Variants in TYW1B observed in about 807,000 individuals in gnomAD.
TYW1B encodes tRNA-yW synthesizing protein 1 homolog B, also known as S-adenosyl-L-methionine-dependent tRNA 4-demethylwyosine synthase TYW1B.
TYW1B carries 73 observed loss-of-function variants against 86.9 expected under a neutral mutation model. The ratio of observed to expected loss-of-function variants is 0.84; its 90% CI spans 0.70 to 1.02. TYW1B has a LOEUF of 1.02. Ranked by LOEUF, TYW1B falls within the 50% of genes least tolerant of loss-of-function variation. TYW1B has a pLI of 0.00. For missense variants in TYW1B, 637 were observed against 827.4 expected (o/e 0.77, Z 2.82); for synonymous variants, 248 against 292.8 (o/e 0.85, Z 1.56).
intron 13 of TYW1B, among the ~76,000 whole-genome samples, chr7:72,593,002 G>A (rs1333674273): frequency 6.6e-6 from 1 of 152,088 alleles, no homozygotes; most frequent in Non-Finnish European, 1.5e-5. Context: ...AGAAAGATAA[G>A]CAAGAAAATA....
intron 7 of TYW1B, among the ~76,000 whole-genome samples, chr7:72,747,365 A>G (rs1490190946): frequency 6.6e-6 from 1 of 152,198 alleles, no homozygotes; most frequent in African/African-American, 2.4e-5. Context: ...CTCCCCAGCC[A>G]TGTGAAACTG....
At chr7:72,795,650 GCA>G (rs1788293387) in intron 6 of TYW1B, among the ~76,000 whole-genome samples, 1 of 145,094 alleles carries the variant, frequency 6.9e-6, no homozygotes, top group African/African-American at 2.5e-5. Context: ...ATTTGTAAAG[GCA>G]CATTGTTCCC....
intron 11 of TYW1B, among the ~76,000 whole-genome samples, chr7:72,668,724 G>T (rs527769826): frequency 1.3e-4 from 20 of 152,258 alleles, no homozygotes; most frequent in African/African-American, 3.6e-4. Context: ...CAGAGTGGAG[G>T]GAAAGCTTAC....
At chr7:72,724,082 T>C (rs1786954974) in intron 9 of TYW1B, among the ~76,000 whole-genome samples, 1 of 152,066 alleles carries the variant, frequency 6.6e-6, no homozygotes, top group African/African-American at 2.4e-5. Context: ...ATGGCTTGTT[T>C]AACCTAACTT....
At chr7:72,715,194 GC>G (rs1252359810) in intron 9 of TYW1B, among the ~76,000 whole-genome samples, 1 of 151,818 alleles carries the variant, frequency 6.6e-6, no homozygotes, top group Non-Finnish European at 1.5e-5. Context: ...AGTTTCTGAA[GC>G]CCCCCAGGTG....
intron 7 of TYW1B, among the ~76,000 whole-genome samples, chr7:72,767,298 A>G (rs576187807): frequency 6.6e-6 from 1 of 152,174 alleles, no homozygotes; most frequent in Non-Finnish European, 1.5e-5. Flanking sequence ...ATCCTCCTCA[A>G]TTTTTCCTTT....
intron 13 of TYW1B, among the ~76,000 whole-genome samples, chr7:72,576,734 G>C (rs1380635575): frequency 6.6e-6 from 1 of 151,902 alleles, no homozygotes; most frequent in Non-Finnish European, 1.5e-5. Flanking sequence ...GGATGGTCTC[G>C]ATCTCCTAAC....
chr7:72,671,971 A>G (rs1290566643), intron 11 of TYW1B, among the ~76,000 whole-genome samples: 1 of 146,932 alleles, frequency 6.8e-6, no homozygotes, highest in Non-Finnish European at 1.5e-5. Flanking sequence ...GAACAAGGTG[A>G]TATGGTTTGG....
chr7:72,688,558 C>T (rs1414522915), intron 11 of TYW1B, among the ~76,000 whole-genome samples: 1 of 152,170 alleles, frequency 6.6e-6, no homozygotes, highest in African/African-American at 2.4e-5. Context: ...AAATTCTTCC[C>T]AGACTCACTC....
intron 13 of TYW1B, among the ~76,000 whole-genome samples, chr7:72,599,311 GA>G (rs1811604696): frequency 6.6e-6 from 1 of 152,130 alleles, no homozygotes; most frequent in South Asian, 2.1e-4. Flanking sequence ...AATAGTTGAA[GA>G]AAATCAATTT....
intron 3 of TYW1B, among the ~76,000 whole-genome samples, chr7:72,811,011 C>G (rs1416175664): frequency 2.0e-5 from 3 of 151,996 alleles, no homozygotes; most frequent in Non-Finnish European, 4.4e-5. Flanking sequence ...GTGGCTCAAG[C>G]CTGTAATCCC....
At chr7:72,608,546 A>G (rs1292188943) in intron 13 of TYW1B, among the ~76,000 whole-genome samples, 6 of 152,234 alleles carry the variant, frequency 3.9e-5, no homozygotes, top group African/African-American at 1.2e-4. Flanking sequence ...AGATGCACTC[A>G]ACAACAGTGC....
chr7:72,770,832 A>T lies in TYW1B; in HGVS notation c.964+6584T>A, dbSNP rs148471064. Among the ~76,000 whole-genome samples, 482 of 152,332 alleles carry T rather than the reference A, an allele frequency of 3.2e-3. 1 individual carries two copies. Among genetic ancestry groups the T allele is most frequent in the Non-Finnish European group, 4.3e-3 (291 of 68,032 alleles). On this transcript the variant is annotated intron_variant, in intron 7 of 13. Coordinates refer to ENST00000620995, the MANE Select transcript of TYW1B (RefSeq NM_001145440.3). Reference sequence around the variant, plus strand: ...CAATGGCATACTACTGAGCAATAAAAGTGAATGAACTACTGATGCATGTTA... The same window carrying T: ...CAATGGCATACTACTGAGCAATAAATGTGAATGAACTACTGATGCATGTTA...
intron 11 of TYW1B, among the ~76,000 whole-genome samples, chr7:72,678,588 G>A (rs1378690189): frequency 1.0e-4 from 15 of 150,228 alleles, no homozygotes; most frequent in Non-Finnish European, 1.0e-4. Flanking sequence ...ACAATGGCCA[G>A]GCATGGTGGC....
intron 11 of TYW1B, among the ~76,000 whole-genome samples, chr7:72,648,009 A>C (rs1226630800): frequency 6.6e-6 from 1 of 152,106 alleles, no homozygotes; most frequent in Non-Finnish European, 1.5e-5. Flanking sequence ...TTTATGTTAC[A>C]ATGATGAATT....
intron 13 of TYW1B, among the ~76,000 whole-genome samples, chr7:72,581,694 A>T (rs1554429649): frequency 6.6e-6 from 1 of 151,918 alleles, no homozygotes; most frequent in East Asian, 1.9e-4. Context: ...TCCCACTCTC[A>T]AATACAAGCA....
intron 13 of TYW1B, among the ~76,000 whole-genome samples, chr7:72,577,836 C>G (rs1236350548): frequency 6.6e-6 from 1 of 152,178 alleles, no homozygotes; most frequent in Non-Finnish European, 1.5e-5. Flanking sequence ...CCAAGCTGTT[C>G]CCTCTGTCTA....
At chr7:72,719,618 G>A in intron 9 of TYW1B, among the ~76,000 whole-genome samples, 1 of 116,356 alleles carries the variant, frequency 8.6e-6, no homozygotes, top group Admixed American at 1.1e-4. Flanking sequence ...GCAGCAGGGT[G>A]AGATTCCGTC....
intron 2 of TYW1B, among the ~76,000 whole-genome samples, chr7:72,825,841 A>G (rs1163406517): frequency 6.6e-6 from 1 of 152,190 alleles, no homozygotes; most frequent in Non-Finnish European, 1.5e-5. Flanking sequence ...AGCAAGCTTC[A>G]GAACAAAGGC....
Sources: allele counts gnomAD v4.1 joint callset (sites outside exome capture counted in the v4.1 genomes callset), GRCh38; gene constraint gnomAD v4.1.1; transcripts MANE v1.5; gene names NCBI Gene and HGNC (gene_info 2026-07-23, HGNC 2026-07-21).